The following UBE2G1 variants were observed in gnomAD, a reference collection of about 807,000 sequenced individuals.
The protein encoded by UBE2G1 is ubiquitin conjugating enzyme E2 G1, also known as ubiquitin-conjugating enzyme E2 G1.
In UBE2G1, 5 loss-of-function variants were observed where a neutral mutation model predicts 22.7. The ratio of observed to expected loss-of-function variants is 0.22; its 90% CI spans 0.12 to 0.46. UBE2G1 has a LOEUF of 0.46. UBE2G1 is among the 20% of genes least tolerant of loss of function. The pLI is 0.99. For synonymous variants in UBE2G1, 74 were observed against 67.5 expected, an observed-to-expected ratio of 1.10 and a Z score of -0.47; for missense variants, 88 against 203.9, an observed-to-expected ratio of 0.43 and a Z score of 3.46.
At chr17:4,304,529 G>C (rs16953890) in intron 2 of UBE2G1, among the ~76,000 whole-genome samples, 48,045 of 151,258 alleles carry the variant, frequency 0.32, 7,709 homozygotes, top group Admixed American at 0.38. Context: ...ATTAAGACTT[G>C]TGGCAACTAT....
In UBE2G1 at chr17:4,272,424, T is replaced by C. The variant is rs1968771951; in HGVS notation, c.*130A>G. The C allele has an allele frequency of 5.4e-6, 1 of 186,700 alleles. No homozygotes were observed. Among genetic ancestry groups the C allele is most frequent in the Non-Finnish European group, 1.1e-5 (1 of 88,788 alleles). 11.6% of individuals were successfully genotyped at this position (186,700 alleles called of 1,614,324 possible). On this transcript the variant is annotated 3_prime_UTR_variant, in exon 6 of 6. Transcript: ENST00000396981. ...ACTGGCATGTTTTATTGCAGCCCAG[T>C]TCCAGCCAGTGTTTGCCAACTTGTA...
At chr17:4,325,466 A>ATAT (rs1969495285) in intron 1 of UBE2G1, among the ~76,000 whole-genome samples, 2 of 152,248 alleles carry the variant, frequency 1.3e-5, no homozygotes, top group South Asian at 4.1e-4. Context: ...ATAAGTGAAT[A>ATAT]TATGAAAGAG....
Position 4,336,304 on chromosome 17 carries a change from G to T in UBE2G1, c.47-29181C>A, listed in dbSNP as rs866050336. Among the ~76,000 whole-genome samples the T allele has an allele frequency of 5.3e-5, 8 of 152,140 alleles. 1 individual carries two copies. The Middle Eastern group carries it at 0.014, about 259-fold the overall frequency. ...GACTAACCTTTATCCAACTACAAGG[G>T]TCTACAAGAGACAAATCTAAAATAG... On this transcript the variant is annotated intron_variant, in intron 1 of 5. Coordinates refer to ENST00000396981, the MANE Select transcript of UBE2G1 (RefSeq NM_003342.5).
chr17:4,349,974 A>G (rs1969825869), intron 1 of UBE2G1, among the ~76,000 whole-genome samples: 1 of 152,148 alleles, frequency 6.6e-6, no homozygotes, highest in Admixed American at 6.6e-5. Context: ...AGTGGGAGAG[A>G]GGGGACCTCA....
At chr17:4,319,664 G>A (rs1035829682) in intron 1 of UBE2G1, among the ~76,000 whole-genome samples, 1 of 152,014 alleles carries the variant, frequency 6.6e-6, no homozygotes, top group African/African-American at 2.4e-5. Context: ...GAGCCCAGGA[G>A]GTCGAGGCTG....
intron 1 of UBE2G1, among the ~76,000 whole-genome samples, chr17:4,336,591 T>C (rs1442907305): frequency 6.6e-6 from 1 of 152,014 alleles, no homozygotes; most frequent in Non-Finnish European, 1.5e-5. Flanking sequence ...AGTACAATGG[T>C]GCAAGGCTCA....
At chr17:4,341,950 T>C (rs1238712510) in intron 1 of UBE2G1, among the ~76,000 whole-genome samples, 2 of 152,222 alleles carry the variant, frequency 1.3e-5, no homozygotes, top group African/African-American at 4.8e-5. Context: ...GTTACTTATC[T>C]GGCTTCTTAA....
intron 2 of UBE2G1, among the ~76,000 whole-genome samples, chr17:4,303,574 TC>T (rs5818947): frequency 0.31 from 47,501 of 151,870 alleles, 7,501 homozygotes; most frequent in Admixed American, 0.38. Context: ...AAGTCCATGT[TC>T]TTGAACACTA....
intron 1 of UBE2G1, among the ~76,000 whole-genome samples, chr17:4,324,059 T>C (rs1969474324): frequency 6.6e-6 from 1 of 152,202 alleles, no homozygotes; most frequent in African/African-American, 2.4e-5. Context: ...AAAGAGATAA[T>C]GCATCTTCGC....
intron 1 of UBE2G1, among the ~76,000 whole-genome samples, chr17:4,318,457 A>G (rs1969401549): frequency 6.6e-6 from 1 of 152,198 alleles, no homozygotes. Context: ...CAATAGCCGC[A>G]ATTCAAGTCT....
intron 1 of UBE2G1, among the ~76,000 whole-genome samples, chr17:4,342,179 T>C (rs1969719605): frequency 6.6e-6 from 1 of 152,208 alleles, no homozygotes; most frequent in Admixed American, 6.5e-5. Context: ...AAATCAAAAG[T>C]AGCATATTCA....
intron 2 of UBE2G1, among the ~76,000 whole-genome samples, chr17:4,304,169 T>A (rs941583938): frequency 6.6e-6 from 1 of 152,132 alleles, no homozygotes; most frequent in Non-Finnish European, 1.5e-5. Flanking sequence ...CTTATTTTTG[T>A]ATTTTTTTTT....
chr17:4,330,721 G>C (rs975463536), intron 1 of UBE2G1, among the ~76,000 whole-genome samples: 7 of 151,708 alleles, frequency 4.6e-5, no homozygotes, highest in South Asian at 4.2e-4. Flanking sequence ...TGGACAACAA[G>C]AGTGAAACTC....
In UBE2G1 at chr17:4,356,083, C is replaced by T. The variant is rs543417549; in HGVS notation, c.46+10188G>A. ...AAAAAAAAAAAAAAAAGGCCAGGCA[C>T]GGTGGCTTACGCCTGTAATCCCAGC... On this transcript the variant is annotated intron_variant, in intron 1 of 5. Transcript: ENST00000396981. 1.0e-3 allele frequency among the ~76,000 whole-genome samples: 145 copies of T among 143,330 alleles called. 2 individuals are homozygous for T. Among genetic ancestry groups the T allele is most frequent in the East Asian group, 3.3e-3 (16 of 4,814 alleles). The allele number at this position is 143,330 out of a possible 152,430, so 94.0% of individuals were successfully genotyped here. A position where few individuals can be genotyped will look rare whatever the true frequency, so the allele number is the denominator to read the frequency against.
chr17:4,337,575 C>T (rs186060986), intron 1 of UBE2G1, among the ~76,000 whole-genome samples: 44 of 151,010 alleles, frequency 2.9e-4, no homozygotes, highest in African/African-American at 1.0e-3. Context: ...ATCACTTGAA[C>T]CCGGGAGGTG....
At chr17:4,291,603 AT>A (rs1056523636) in intron 3 of UBE2G1, among the ~76,000 whole-genome samples, 4 of 152,112 alleles carry the variant, frequency 2.6e-5, no homozygotes, top group African/African-American at 9.7e-5. Flanking sequence ...GGATCTTTAC[AT>A]TTTTAACCTT....
At chr17:4,302,270 A>G in intron 2 of UBE2G1, 1 of 470,088 alleles carries the variant, frequency 2.1e-6, no homozygotes, top group South Asian at 1.7e-5. Context: ...TTGGGCTCCC[A>G]GTGGATGACA....
chr17:4,330,976 CCACACACACA>C (rs57051928), intron 1 of UBE2G1, among the ~76,000 whole-genome samples: 3 of 143,574 alleles, frequency 2.1e-5, no homozygotes, highest in Non-Finnish European at 4.5e-5. Context: ...ACCTTTAAAA[CCACACACACA>C]CACACACACA....
At chr17:4,337,184 A>T (rs79588637) in intron 1 of UBE2G1, among the ~76,000 whole-genome samples, 2,000 of 152,136 alleles carry the variant, frequency 0.013, 50 homozygotes, top group African/African-American at 0.046. Context: ...CTCACACAAT[A>T]AAAAAAGTTA....
Sources: allele counts gnomAD v4.1 joint callset (sites outside exome capture counted in the v4.1 genomes callset), GRCh38; gene constraint gnomAD v4.1.1; transcripts MANE v1.5; gene names NCBI Gene and HGNC (gene_info 2026-07-23, HGNC 2026-07-21).